Variants in EBF2 observed in about 807,000 individuals in gnomAD.
EBF2 encodes transcription factor COE2.
In EBF2, 21 loss-of-function variants were observed where a neutral mutation model predicts 72.8. The observed-to-expected ratio is 0.29, with a 90% CI of 0.20 to 0.42. The LOEUF (loss-of-function observed/expected upper bound fraction) is 0.42. Among genes scored for constraint, EBF2 ranks in the 10% least tolerant of loss-of-function variants. EBF2 has a pLI of 1.00. For synonymous variants in EBF2, 299 were observed against 274.2 expected (o/e 1.09, Z -0.89); for missense variants, 637 against 731.2 (o/e 0.87, Z 1.49).
At chr8:26,036,604 C>T (rs1473342854) in intron 5 of EBF2, among the ~76,000 whole-genome samples, 7 of 151,786 alleles carry the variant, frequency 4.6e-5, no homozygotes, top group Admixed American at 1.3e-4. Context: ...TTGTTTTTAA[C>T]GGCATTCAGT....
At chr8:25,930,513 G>A (rs1278582292) in intron 6 of EBF2, among the ~76,000 whole-genome samples, 1 of 152,106 alleles carries the variant, frequency 6.6e-6, no homozygotes, top group Non-Finnish European at 1.5e-5. Flanking sequence ...AAATCTTGTT[G>A]ATTGATCGAC....
intron 6 of EBF2, among the ~76,000 whole-genome samples, chr8:25,980,930 T>G (rs535629035): frequency 6.7e-6 from 1 of 148,978 alleles, no homozygotes; most frequent in Admixed American, 6.7e-5. Context: ...GGAGTAACTG[T>G]GACCTGTCCT....
At chr8:26,022,349 AT>A (rs1805216211) in intron 6 of EBF2, among the ~76,000 whole-genome samples, 1 of 152,222 alleles carries the variant, frequency 6.6e-6, no homozygotes, top group African/African-American at 2.4e-5. Flanking sequence ...TTTTCAATTA[AT>A]TAGAAAAATG....
chr8:25,907,532 A>G (rs73225921), intron 7 of EBF2, among the ~76,000 whole-genome samples: 2,580 of 151,470 alleles, frequency 0.017, 37 homozygotes, highest in Non-Finnish European at 0.028. Context: ...AGTGTGCTGG[A>G]AAGAGTTTGA....
At chr8:25,872,919 C>T (rs1802464727) in intron 10 of EBF2, among the ~76,000 whole-genome samples, 1 of 152,202 alleles carries the variant, frequency 6.6e-6, no homozygotes, top group African/African-American at 2.4e-5. Flanking sequence ...GAGCTCCTGC[C>T]CTCGTGCCAC....
chr8:26,029,688 A>G (rs185751294), intron 6 of EBF2, among the ~76,000 whole-genome samples: 1,633 of 152,250 alleles, frequency 0.011, 12 homozygotes, highest in Non-Finnish European at 0.016. Context: ...GAGAAGGGGG[A>G]GGAGATAATT....
At chr8:25,870,996 A>G (rs1802429731) in intron 10 of EBF2, among the ~76,000 whole-genome samples, 1 of 152,214 alleles carries the variant, frequency 6.6e-6, no homozygotes, top group Non-Finnish European at 1.5e-5. Context: ...AGAAAGCATG[A>G]AGCTGAAAGT....
intron 14 of EBF2, among the ~76,000 whole-genome samples, chr8:25,856,557 G>C (rs1433163135): frequency 6.6e-6 from 1 of 152,120 alleles, no homozygotes; most frequent in Non-Finnish European, 1.5e-5. Flanking sequence ...CTGGACTCTA[G>C]ATGTCAACAT....
intron 8 of EBF2, among the ~76,000 whole-genome samples, chr8:25,889,321 A>G (rs1335560143): frequency 6.6e-6 from 1 of 152,206 alleles, no homozygotes; most frequent in Non-Finnish European, 1.5e-5. Flanking sequence ...ACAGACCATG[A>G]TTTCTTCTTG....
chr8:25,876,932 C>G (rs779941771), intron 10 of EBF2, among the ~76,000 whole-genome samples: 1 of 152,162 alleles, frequency 6.6e-6, no homozygotes, highest in Admixed American at 6.5e-5. Context: ...GATTACTGAA[C>G]TGCTGTCATT....
At chr8:25,907,391 G>A (rs1035533926) in intron 7 of EBF2, among the ~76,000 whole-genome samples, 1 of 112,120 alleles carries the variant, frequency 8.9e-6, no homozygotes, top group African/African-American at 3.5e-5. Flanking sequence ...CTGCTCTCCA[G>A]CCTAGGTGAC....
intron 6 of EBF2, among the ~76,000 whole-genome samples, chr8:25,957,286 CAT>C (rs1803965116): frequency 1.3e-5 from 2 of 152,186 alleles, no homozygotes; most frequent in Admixed American, 1.3e-4. Context: ...AAAGTACTTT[CAT>C]ACACATGTCT....
In EBF2 at chr8:25,862,802, AAG is replaced by A; in HGVS notation, c.1010-7_1010-6del. On this transcript the variant is annotated splice_polypyrimidine_tract_variant and splice_region_variant and intron_variant, in intron 10 of 15. Transcript: ENST00000520164. ...CTATGGTGGGTTCATTTAATGCTGA[AAG>A]AGAAAAGTCCTCTTTCTGAGTTGGT... is the stretch of plus-strand genomic sequence containing the variant. 2 of 1,579,342 alleles carry A rather than the reference AAG, an allele frequency of 1.3e-6. No homozygotes were observed. Among genetic ancestry groups the A allele is most frequent in the Non-Finnish European group, 1.7e-6 (2 of 1,162,310 alleles).
intron 6 of EBF2, among the ~76,000 whole-genome samples, chr8:26,000,498 C>T (rs1804706433): frequency 6.6e-6 from 1 of 152,190 alleles, no homozygotes; most frequent in Admixed American, 6.5e-5. Context: ...TAACTGGCCC[C>T]TGTTGACACA....
intron 6 of EBF2, among the ~76,000 whole-genome samples, chr8:25,924,934 C>A (rs1803362171): frequency 6.6e-6 from 1 of 152,194 alleles, no homozygotes; most frequent in South Asian, 2.1e-4. Flanking sequence ...ACACCAGATG[C>A]ACAGAAAATA....
intron 10 of EBF2, among the ~76,000 whole-genome samples, chr8:25,879,831 T>C (rs897752118): frequency 6.6e-6 from 1 of 152,238 alleles, no homozygotes; most frequent in South Asian, 2.1e-4. Context: ...GTCTCCATTG[T>C]CTTTGAATCT....
At chr8:26,016,900 A>G (rs1805119525) in intron 6 of EBF2, among the ~76,000 whole-genome samples, 1 of 152,228 alleles carries the variant, frequency 6.6e-6, no homozygotes, top group Non-Finnish European at 1.5e-5. Flanking sequence ...CATTCAGCAC[A>G]TTTAGTTAAA....
At chr8:25,981,492 C>A (rs1804360275) in intron 6 of EBF2, among the ~76,000 whole-genome samples, 1 of 152,050 alleles carries the variant, frequency 6.6e-6, no homozygotes, top group Non-Finnish European at 1.5e-5. Flanking sequence ...ACAACATGCA[C>A]CTGCATTTCC....
intron 6 of EBF2, among the ~76,000 whole-genome samples, chr8:25,973,148 T>C (rs745339098): frequency 5.3e-5 from 8 of 152,160 alleles, no homozygotes; most frequent in Non-Finnish European, 1.0e-4. Context: ...AAGTGTTTTT[T>C]ATTTACCTGA....
Sources: gnomAD v4.1 joint callset for allele counts (sites outside exome capture counted in the v4.1 genomes callset) on GRCh38, gnomAD v4.1.1 for gene constraint, MANE v1.5 for transcripts, NCBI Gene and HGNC (gene_info 2026-07-23, HGNC 2026-07-21) for gene names.